The following FREM2 variants were observed in gnomAD, a reference collection of about 807,000 sequenced individuals.
FREM2 encodes FRAS1 related extracellular matrix 2.
Under a neutral mutation model 219.9 loss-of-function variants are expected in FREM2, and 119 were observed. The observed-to-expected ratio is 0.54, with a 90% CI of 0.47 to 0.63. The LOEUF is 0.63. Ranked by LOEUF, FREM2 falls within the 30% of genes least tolerant of loss-of-function variation. FREM2 has a pLI of 0.00. For synonymous variants in FREM2, 1,562 were observed against 1,522.8 expected (o/e 1.03, Z -0.60); for missense variants, 4,030 against 3,993.6 (o/e 1.01, Z -0.25).
Position 38,801,238 on chromosome 13 carries a change from A to T in FREM2, c.6019+16430A>T, listed in dbSNP as rs1441388848. Among the ~76,000 whole-genome samples the T allele has an allele frequency of 2.0e-5, 3 of 152,170 alleles. No individual in the cohort carries two copies. The East Asian group carries it at 5.8e-4, about 29-fold the overall frequency. On this transcript the variant is annotated intron_variant, in intron 6 of 23. Coordinates refer to ENST00000280481, the MANE Select transcript of FREM2 (RefSeq NM_207361.6). Reference sequence around the variant, plus strand: ...TGGTAAAATTATCATTTATATCCTGAATTGTTTTGTTGATTTCTCTCTATT... The same window carrying T: ...TGGTAAAATTATCATTTATATCCTGTATTGTTTTGTTGATTTCTCTCTATT...
intron 2 of FREM2, among the ~76,000 whole-genome samples, chr13:38,755,720 C>G (rs1179654341): frequency 1.3e-5 from 2 of 152,292 alleles, no homozygotes; most frequent in East Asian, 3.9e-4. Flanking sequence ...CTCCAGTTTC[C>G]CACCTAAGCA....
rs1409343173 is a variant in FREM2 at position 38,784,800 on chromosome 13, A to G, written c.6011A>G (p.Lys2004Arg). ...GCTCAAGTTACAATCGTTCCTGACA[A>G]AGATGATGGTGAGTACTAATTTACT... is the stretch of plus-strand genomic sequence containing the variant. ...PGAQVTIVPDKDDEPIFYFGD... is the reference protein window; with the variant it reads ...PGAQVTIVPDRDDEPIFYFGD... The change falls in exon 6 of 24, where the codon AAA (lysine) becomes AGA (arginine). Residue 2004 changes from lysine (K) to arginine (R), a missense_variant. Physicochemically the swap from Lys to Arg is conservative, Grantham distance 26 (BLOSUM62 2). Around this residue, in one of 2 missense-constraint regions of FREM2, gnomAD observed 3,102 missense variants for 2,950.7 expected, o/e 1.05. Coordinates refer to ENST00000280481, the MANE Select transcript of FREM2 (RefSeq NM_207361.6). 5 of 1,614,152 alleles carry G rather than the reference A, an allele frequency of 3.1e-6. No homozygotes were observed. The South Asian group carries it at 5.5e-5, about 18-fold the overall frequency.
intron 6 of FREM2, among the ~76,000 whole-genome samples, chr13:38,824,714 T>C (rs78276850): frequency 0.037 from 5,660 of 152,006 alleles, 353 homozygotes; most frequent in African/African-American, 0.13. Flanking sequence ...GCCATGCTGT[T>C]AGATACACAC....
chr13:38,769,606 A>G lies in FREM2; in HGVS notation c.5439A>G (p.Glu1813=). The G allele has an allele frequency of 1.2e-6, 2 of 1,614,156 alleles. No individual in the cohort carries two copies. The highest frequency in any genetic ancestry group is 8.5e-7 in the Non-Finnish European group (1 of 1,179,982). The change falls in exon 4 of 24, where the codon GAA becomes GAG. Residue 1813 remains glutamate, a synonymous_variant. Transcript: ENST00000280481. Reference sequence around the variant, plus strand: ...TTGGCACAAGAGACAGAACTGCAGAAAAAGACAAAGACTTCAAGGGCAAAG... The same window carrying G: ...TTGGCACAAGAGACAGAACTGCAGAGAAAGACAAAGACTTCAAGGGCAAAG... ...ISIGTRDRTA[E]KDKDFKGKAQ...
At chr13:38,872,960 C>A (rs1373498710) in intron 17 of FREM2, 26 bp downstream of exon 17, 4 of 1,606,626 alleles carry the variant, frequency 2.5e-6, no homozygotes, top group Non-Finnish European at 3.4e-6. Context: ...TTGGAAAATT[C>A]TATAGTTTTG....
In FREM2 at chr13:38,872,660, A is replaced by G. The variant is rs1878199891; in HGVS notation, c.7984-82A>G. On this transcript the variant is annotated intron_variant, in intron 16 of 23. Coordinates refer to ENST00000280481, the MANE Select transcript of FREM2 (RefSeq NM_207361.6). Reference sequence around the variant, plus strand: ...ATTACTCAAAATCTTCAGTTAAGCGAAAAGAGAAAATGGCTTGTACAAAAT... The same window carrying G: ...ATTACTCAAAATCTTCAGTTAAGCGGAAAGAGAAAATGGCTTGTACAAAAT... The G allele has an allele frequency of 2.5e-6, 3 of 1,190,180 alleles. No individual in the cohort carries two copies. The East Asian group carries it at 7.0e-5, about 28-fold the overall frequency. 73.7% of individuals were successfully genotyped at this position (1,190,180 alleles called of 1,614,324 possible).
chr13:38,856,464 C>G (rs1271760316), intron 12 of FREM2, among the ~76,000 whole-genome samples: 1 of 152,060 alleles, frequency 6.6e-6, no homozygotes, highest in Non-Finnish European at 1.5e-5. Flanking sequence ...TTTGAAAAAT[C>G]ATGTTTGTCG....
intron 6 of FREM2, among the ~76,000 whole-genome samples, chr13:38,794,919 A>G (rs1037174086): frequency 2.0e-5 from 3 of 152,182 alleles, no homozygotes; most frequent in African/African-American, 7.2e-5. Context: ...CCTCAAAGCA[A>G]CTTTATGATA....
intron 6 of FREM2, among the ~76,000 whole-genome samples, chr13:38,835,310 T>G (rs1443362619): frequency 2.6e-5 from 4 of 152,208 alleles, no homozygotes; most frequent in Non-Finnish European, 5.9e-5. Flanking sequence ...GGTCTATATA[T>G]CTGTTTTGGT....
At chr13:38,802,168 G>A (rs183785523) in intron 6 of FREM2, among the ~76,000 whole-genome samples, 79 of 152,298 alleles carry the variant, frequency 5.2e-4, no homozygotes, top group Admixed American at 1.9e-3. Context: ...TAAGCGAGGT[G>A]GGGTTGTTCC....
intron 6 of FREM2, among the ~76,000 whole-genome samples, chr13:38,837,475 G>A (rs1302592854): frequency 6.6e-6 from 1 of 152,184 alleles, no homozygotes; most frequent in East Asian, 1.9e-4. Flanking sequence ...CCATAGCTGA[G>A]TTCAAGTCCT....
chr13:38,853,561 T>C (rs1031418594), intron 11 of FREM2, among the ~76,000 whole-genome samples: 1 of 152,184 alleles, frequency 6.6e-6, no homozygotes, highest in African/African-American at 2.4e-5. Flanking sequence ...AGAAAACAAC[T>C]GATAGGTATC....
At chr13:38,774,426 T>C (rs1167395377) in intron 4 of FREM2, among the ~76,000 whole-genome samples, 1 of 152,182 alleles carries the variant, frequency 6.6e-6, no homozygotes, top group Non-Finnish European at 1.5e-5. Flanking sequence ...AATTAGGTGA[T>C]TGCATTCCCC....
At chr13:38,775,900 T>TGA (rs1178780990) in intron 4 of FREM2, among the ~76,000 whole-genome samples, 1 of 152,210 alleles carries the variant, frequency 6.6e-6, no homozygotes, top group African/African-American at 2.4e-5. Flanking sequence ...ACTATAGGTG[T>TGA]GAGCCACCAC....
chr13:38,739,758 A>AAGAGC (rs1872161599), intron 2 of FREM2, among the ~76,000 whole-genome samples: 1 of 152,204 alleles, frequency 6.6e-6, no homozygotes, highest in African/African-American at 2.4e-5. Flanking sequence ...CGGTGGTTCT[A>AAGAGC]AGAGCAGGGA....
intron 6 of FREM2, among the ~76,000 whole-genome samples, chr13:38,814,652 T>G (rs1480771953): frequency 1.3e-5 from 2 of 152,164 alleles, no homozygotes; most frequent in Admixed American, 6.5e-5. Context: ...CACTTCAGAA[T>G]GGCAAGTTTC....
intron 2 of FREM2, among the ~76,000 whole-genome samples, chr13:38,719,878 C>G (rs1231699883): frequency 6.6e-6 from 1 of 152,132 alleles, no homozygotes; most frequent in African/African-American, 2.4e-5. Context: ...ACAGGTTCTC[C>G]TTTGCAAAAA....
intron 16 of FREM2, 21 bp from the exon 17 acceptor site, chr13:38,872,721 G>T (rs1593457008): frequency 6.2e-7 from 1 of 1,607,780 alleles, no homozygotes; most frequent in Non-Finnish European, 8.5e-7. Context: ...CATGTTGATT[G>T]ATGTAATTTT....
At chr13:38,818,409 T>C (rs1444218528) in intron 6 of FREM2, among the ~76,000 whole-genome samples, 1 of 152,098 alleles carries the variant, frequency 6.6e-6, no homozygotes, top group Non-Finnish European at 1.5e-5. Flanking sequence ...GAGGACACCA[T>C]GTTAAGTGAA....
Sources: allele counts gnomAD v4.1 joint callset (sites outside exome capture counted in the v4.1 genomes callset), GRCh38; gene constraint gnomAD v4.1.1; regional missense constraint gnomAD v4.1.1; transcripts MANE v1.5; gene names NCBI Gene and HGNC (gene_info 2026-07-23, HGNC 2026-07-21).